The following WWOX variants were observed in gnomAD, a reference collection of about 807,000 sequenced individuals.
WWOX encodes WW domain containing oxidoreductase.
In WWOX, 69 loss-of-function variants were observed where a neutral mutation model predicts 46.2. That is an observed-to-expected ratio of 1.49 (90% CI 1.23 to 1.82). The LOEUF (loss-of-function observed/expected upper bound fraction) is 1.82, where lower values mean the gene tolerates loss of function less well. Among genes scored for constraint, WWOX ranks in the 40% most tolerant of loss-of-function variants. The pLI is 0.00. For synonymous variants in WWOX, 359 were observed against 202.6 expected, an observed-to-expected ratio of 1.77 and a Z score of -6.56; for missense variants, 919 against 542.6, an observed-to-expected ratio of 1.69 and a Z score of -6.89.
intron 6 of WWOX, 134 bp downstream of exon 6, chr16:78,387,082 C>G (rs1003140914): frequency 1.2e-6 from 1 of 853,536 alleles, no homozygotes; most frequent in Admixed American, 2.0e-5. Flanking sequence ...TTTATATTGG[C>G]CCTGTTAAGG....
At chr16:78,277,865 A>G (rs559454259) in intron 5 of WWOX, among the ~76,000 whole-genome samples, 2 of 152,332 alleles carry the variant, frequency 1.3e-5, no homozygotes, top group South Asian at 4.1e-4. Flanking sequence ...AGAATGTCCA[A>G]AATATTACGA....
At chr16:78,647,851 G>A (rs1347501888) in intron 8 of WWOX, among the ~76,000 whole-genome samples, 1 of 152,134 alleles carries the variant, frequency 6.6e-6, no homozygotes, top group East Asian at 1.9e-4. Context: ...GGCTTTGGGG[G>A]ATCCCAGCTC....
At chr16:78,802,539 C>A (rs1433869060) in intron 8 of WWOX, among the ~76,000 whole-genome samples, 4 of 152,016 alleles carry the variant, frequency 2.6e-5, no homozygotes, top group Admixed American at 6.6e-5. Flanking sequence ...CAACCATTTT[C>A]CCCAAAACTT....
At chr16:78,361,913 C>G (rs1488082375) in intron 5 of WWOX, among the ~76,000 whole-genome samples, 1 of 151,840 alleles carries the variant, frequency 6.6e-6, no homozygotes, top group Non-Finnish European at 1.5e-5. Context: ...CGCCTGGCCC[C>G]TCCCCCGTTT....
At position 78,996,766 on chromosome 16, in the gene WWOX, C is replaced by A. The variant is rs184481071; in HGVS notation, c.1057-214842C>A. 2.6e-5 allele frequency among the ~76,000 whole-genome samples: 4 copies of A among 152,306 alleles called. No individual in the cohort carries two copies. The East Asian group carries it at 7.7e-4, about 29-fold the overall frequency. On this transcript the variant is annotated intron_variant, in intron 8 of 8. Transcript: ENST00000566780. ...CTGCAATTCTCCCAACTGTTCCCTT[C>A]CCGCTTCCCACCTGCCTCGTATGGA...
At chr16:78,532,071 T>C (rs1378755515) in intron 8 of WWOX, among the ~76,000 whole-genome samples, 2 of 151,646 alleles carry the variant, frequency 1.3e-5, no homozygotes, top group Non-Finnish European at 2.9e-5. Context: ...GAGTTTTTTT[T>C]TTTTTTCTTT....
At chr16:78,618,674 G>C (rs1340345821) in intron 8 of WWOX, among the ~76,000 whole-genome samples, 1 of 152,120 alleles carries the variant, frequency 6.6e-6, no homozygotes, top group Non-Finnish European at 1.5e-5. Flanking sequence ...CAGGATCCAT[G>C]TTTGATCCGG....
At chr16:79,054,975 A>G (rs931433039) in intron 8 of WWOX, among the ~76,000 whole-genome samples, 1 of 152,228 alleles carries the variant, frequency 6.6e-6, no homozygotes, top group Non-Finnish European at 1.5e-5. Flanking sequence ...TTGTGTGTGC[A>G]ATGGTTTTCC....
intron 8 of WWOX, among the ~76,000 whole-genome samples, chr16:78,759,263 G>C (rs911693977): frequency 1.3e-5 from 2 of 152,194 alleles, no homozygotes; most frequent in African/African-American, 4.8e-5. Flanking sequence ...TTGAAGGTGG[G>C]CATGGCAGGG....
At chr16:78,536,794 T>G (rs1444914668) in intron 8 of WWOX, among the ~76,000 whole-genome samples, 1 of 152,100 alleles carries the variant, frequency 6.6e-6, no homozygotes, top group African/African-American at 2.4e-5. Context: ...GTGGATTATT[T>G]CTCTTTTTTA....
chr16:78,660,120 C>A (rs752224416), intron 8 of WWOX, among the ~76,000 whole-genome samples: 1 of 152,178 alleles, frequency 6.6e-6, no homozygotes, highest in African/African-American at 2.4e-5. Flanking sequence ...TTTTTGGATC[C>A]TCTGTTTCAG....
chr16:78,325,651 A>C (rs2080593802), intron 5 of WWOX, among the ~76,000 whole-genome samples: 1 of 152,238 alleles, frequency 6.6e-6, no homozygotes, highest in Admixed American at 6.5e-5. Context: ...TCCGTTTGGC[A>C]GCTTGATTAA....
At chr16:79,056,727 C>G (rs115759108) in intron 8 of WWOX, among the ~76,000 whole-genome samples, 2,020 of 152,320 alleles carry the variant, frequency 0.013, 41 homozygotes, top group African/African-American at 0.046. Flanking sequence ...TAAGTCTTCT[C>G]TACCGTATCC....
rs2051057391 is a variant in WWOX, at chr16:78,806,964, C to G, written c.1056+374212C>G. 2.6e-5 allele frequency among the ~76,000 whole-genome samples: 4 copies of G among 152,194 alleles called. No individual in the cohort carries two copies. The East Asian group carries it at 7.7e-4, about 29-fold the overall frequency. Reference sequence around the variant, plus strand: ...GAATCCTACCTCTGCCTCTTACTAGCCACATGACTGGGTCTTAGCATGCTC... The same window carrying G: ...GAATCCTACCTCTGCCTCTTACTAGGCACATGACTGGGTCTTAGCATGCTC... On this transcript the variant is annotated intron_variant, in intron 8 of 8. Coordinates refer to ENST00000566780, the MANE Select transcript of WWOX (RefSeq NM_016373.4).
chr16:78,886,267 A>T (rs1163719711), intron 8 of WWOX, among the ~76,000 whole-genome samples: 2 of 147,740 alleles, frequency 1.4e-5, no homozygotes, highest in Non-Finnish European at 1.5e-5. Context: ...CATTGTACAC[A>T]TTTGGTATTT....
chr16:78,138,582 T>C (rs2033878690), intron 4 of WWOX, among the ~76,000 whole-genome samples: 1 of 152,182 alleles, frequency 6.6e-6, no homozygotes, highest in South Asian at 2.1e-4. Flanking sequence ...GGAATGAAAG[T>C]CCGATAAGAA....
At chr16:78,717,199 G>A (rs1196440141) in intron 8 of WWOX, among the ~76,000 whole-genome samples, 3 of 152,116 alleles carry the variant, frequency 2.0e-5, no homozygotes, top group African/African-American at 4.8e-5. Flanking sequence ...TATACCAAGA[G>A]TAAGTGTGTT....
chr16:78,638,466 C>G (rs917993748), intron 8 of WWOX, among the ~76,000 whole-genome samples: 1 of 152,128 alleles, frequency 6.6e-6, no homozygotes, highest in South Asian at 2.1e-4. Flanking sequence ...TCTGAAAGGC[C>G]CAGACCCAGC....
chr16:79,030,245 A>G (rs1202593419), intron 8 of WWOX, among the ~76,000 whole-genome samples: 1 of 152,166 alleles, frequency 6.6e-6, no homozygotes, highest in African/African-American at 2.4e-5. Context: ...AACTTTTATG[A>G]TTCTACTCTT....
Sources: gnomAD v4.1 joint callset for allele counts (sites outside exome capture counted in the v4.1 genomes callset) on GRCh38, gnomAD v4.1.1 for gene constraint, MANE v1.5 for transcripts, NCBI Gene and HGNC (gene_info 2026-07-23, HGNC 2026-07-21) for gene names.